Variants in ERMP1 observed in about 807,000 individuals in gnomAD.
The protein encoded by ERMP1 is Felix-ina.
ERMP1 carries 86 observed loss-of-function variants against 92.0 expected under a neutral mutation model. The ratio of observed to expected loss-of-function variants is 0.93; its 90% CI spans 0.79 to 1.12. ERMP1 has a LOEUF of 1.12. Ranked by LOEUF, ERMP1 falls within the 50% of genes most tolerant of loss-of-function variation. The pLI, the probability that ERMP1 is intolerant of heterozygous loss-of-function variation, is 0.00. For missense variants in ERMP1, 1,342 were observed against 1,116.3 expected, an observed-to-expected ratio of 1.20 and a Z score of -2.88; for synonymous variants, 530 against 412.8, an observed-to-expected ratio of 1.28 and a Z score of -3.44.
intron 5 of ERMP1, among the ~76,000 whole-genome samples, chr9:5,865,137 C>T (rs1586854061): frequency 4.0e-5 from 2 of 50,102 alleles, no homozygotes; most frequent in Middle Eastern, 8.8e-3. Flanking sequence ...GGAAAATGTT[C>T]CTTTATATAA....
Position 5,786,772 on chromosome 9 carries a change from T to A in ERMP1, c.*372A>T, listed in dbSNP as rs1827955757. On this transcript the variant is annotated 3_prime_UTR_variant, in exon 15 of 15. Transcript: ENST00000339450. ...CAACAAATGGTTTTGGGGCTTAAAT[T>A]GGAAACAACTTTTGTCTCATTAACA... is the stretch of plus-strand genomic sequence containing the variant. 1 of 168,074 alleles carries A rather than the reference T, an allele frequency of 5.9e-6. No individual in the cohort carries two copies. Among genetic ancestry groups the A allele is most frequent in the Admixed American group, 5.7e-5 (1 of 17,696 alleles). 10.4% of individuals were successfully genotyped at this position (168,074 alleles called of 1,614,324 possible). A position where few individuals can be genotyped will look rare whatever the true frequency, so the allele number is the denominator to read the frequency against.
chr9:5,818,254 C>G (rs768750257), intron 4 of ERMP1, among the ~76,000 whole-genome samples: 1 of 151,744 alleles, frequency 6.6e-6, no homozygotes, highest in Non-Finnish European at 1.5e-5. Flanking sequence ...GACTAGCTAG[C>G]AGGTTGTGAT....
At chr9:5,856,103 G>T in intron 6 of ERMP1, 1 of 371,902 alleles carries the variant, frequency 2.7e-6, no homozygotes, top group South Asian at 2.6e-5. Flanking sequence ...TGTTTCGAAT[G>T]GAATCTTCAA....
intron 2 of ERMP1, among the ~76,000 whole-genome samples, chr9:5,826,776 T>C (rs1439900612): frequency 6.6e-6 from 1 of 152,216 alleles, no homozygotes; most frequent in Non-Finnish European, 1.5e-5. Flanking sequence ...TGTGAGTTAC[T>C]TTAAAATAGA....
intron 5 of ERMP1, among the ~76,000 whole-genome samples, chr9:5,862,844 C>G (rs1830544336): frequency 6.6e-6 from 1 of 152,154 alleles, no homozygotes; most frequent in Non-Finnish European, 1.5e-5. Context: ...ATGGACTTGT[C>G]CCAGGAGCCC....
At chr9:5,837,056 T>C (rs1830103747), upstream of ERMP1, among the ~76,000 whole-genome samples, 1 of 152,240 alleles carries the variant, frequency 6.6e-6, no homozygotes, top group African/African-American at 2.4e-5. Context: ...TTTACCTTTT[T>C]TCCATGGCCT....
intron 4 of ERMP1, among the ~76,000 whole-genome samples, chr9:5,820,974 T>A (rs1369904052): frequency 6.6e-6 from 1 of 152,182 alleles, no homozygotes; most frequent in Non-Finnish European, 1.5e-5. Flanking sequence ...GTATGGAGTT[T>A]AGCCAAAATA....
chr9:5,846,371 C>G (rs1830233651), intron 6 of ERMP1, among the ~76,000 whole-genome samples: 1 of 152,112 alleles, frequency 6.6e-6, no homozygotes, highest in Non-Finnish European at 1.5e-5. Flanking sequence ...TGCTGTGTGA[C>G]CTTAAGGAAG....
At chr9:5,842,855 G>C (rs1443545074) in intron 6 of ERMP1, among the ~76,000 whole-genome samples, 1 of 152,208 alleles carries the variant, frequency 6.6e-6, no homozygotes, top group Non-Finnish European at 1.5e-5. Context: ...CAGAGATGCT[G>C]ATTCTTTAGA....
chr9:5,790,713 G>A (rs1020820061), intron 13 of ERMP1, among the ~76,000 whole-genome samples: 1 of 152,140 alleles, frequency 6.6e-6, no homozygotes, highest in African/African-American at 2.4e-5. Flanking sequence ...TCACAATGAA[G>A]ACATAAAATT....
chr9:5,805,629 T>C lies in ERMP1; in HGVS notation c.1705A>G (p.Lys569Glu). 2 of 1,598,784 alleles carry C rather than the reference T, an allele frequency of 1.3e-6. No individual in the cohort carries two copies. The highest frequency in any genetic ancestry group is 1.7e-6 in the Non-Finnish European group (2 of 1,175,328). Reference sequence around the variant, plus strand: ...ACCCTACCATGCTGCTTGAAGTCCTTATGCACACAGAGCTTTGTGAGCAAT... The same window carrying C: ...ACCCTACCATGCTGCTTGAAGTCCTCATGCACACAGAGCTTTGTGAGCAAT... Reference protein sequence around the residue: ...FPLLTKLCVHKDFKQHGAQGK... With the variant: ...FPLLTKLCVHEDFKQHGAQGK... The change falls in exon 9 of 15, where the codon AAG (lysine) becomes GAG (glutamate). Residue 569 changes from lysine to glutamate, a missense_variant. Coordinates refer to ENST00000339450, the MANE Select transcript of ERMP1 (RefSeq NM_024896.3).
At chr9:5,792,625 GGTTTAAGAA>G (rs1828246587) in intron 13 of ERMP1, among the ~76,000 whole-genome samples, 1 of 152,116 alleles carries the variant, frequency 6.6e-6, no homozygotes, top group Admixed American at 6.5e-5. Context: ...CTTATTAAAA[GGTTTAAGAA>G]GTGAAGGAGC....
intron 13 of ERMP1, among the ~76,000 whole-genome samples, chr9:5,794,734 A>G (rs1366391372): frequency 2.0e-5 from 3 of 152,210 alleles, no homozygotes; most frequent in Non-Finnish European, 4.4e-5. Context: ...TGTATCTATT[A>G]AAGAGTGAAT....
At chr9:5,829,364 A>G (rs913546465) in intron 2 of ERMP1, among the ~76,000 whole-genome samples, 13 of 152,246 alleles carry the variant, frequency 8.5e-5, no homozygotes, top group African/African-American at 3.1e-4. Flanking sequence ...TTCTAAATGA[A>G]GATATTCTAA....
At position 5,798,849 on chromosome 9, in the gene ERMP1, G is replaced by C. The variant is rs747293708; in HGVS notation, c.2227C>G (p.Leu743Val). Reference sequence around the variant, plus strand: ...GGAAGATACCAAGGAAAACCACAAAGAGGTGCATTCTCCTCACAGTGAGCT... The same window carrying C: ...GGAAGATACCAAGGAAAACCACAAACAGGTGCATTCTCCTCACAGTGAGCT... ...IRAHCEENAP[L>V]CGFPWYLPVH... The change falls in exon 12 of 15, where the codon CTT becomes GTT. Residue 743 changes from leucine to valine, a missense_variant. Physicochemically the swap from Leu to Val is conservative, Grantham distance 32. Coordinates refer to ENST00000339450, the MANE Select transcript of ERMP1 (RefSeq NM_024896.3). The C allele has an allele frequency of 5.0e-6, 8 of 1,613,772 alleles. No individual in the cohort carries two copies. In the African/African-American group the frequency reaches 5.3e-5, roughly 11 times the overall value.
At chr9:5,857,587 A>G (rs1217349756) in intron 6 of ERMP1, among the ~76,000 whole-genome samples, 2 of 152,232 alleles carry the variant, frequency 1.3e-5, no homozygotes, top group African/African-American at 2.4e-5. Context: ...ATCTATTGGT[A>G]CATCCCATTG....
rs370992190 is a variant in ERMP1, at chr9:5,798,981, C to T, written c.2095G>A (p.Glu699Lys). 1.9e-6 allele frequency: 3 copies of T among 1,613,644 alleles called. No individual in the cohort carries two copies. The African/African-American group carries it at 4.0e-5, about 22-fold the overall frequency. Residue 699 changes from glutamate (E) to lysine (K), a missense_variant, in exon 12 of 15, where the codon GAA (glutamate) becomes AAA (lysine). Coordinates refer to ENST00000339450, the MANE Select transcript of ERMP1 (RefSeq NM_024896.3). ...QHMTRTFHDL[E>K]GNAVKRDSGI... Reference sequence around the variant, plus strand: ...GAGTCCCGTTTAACTGCATTTCCTTCCAAGTCATGGAATGTTCTAGTCATA... The same window carrying T: ...GAGTCCCGTTTAACTGCATTTCCTTTCAAGTCATGGAATGTTCTAGTCATA...
At chr9:5,795,315 T>C (rs1362453983) in intron 13 of ERMP1, among the ~76,000 whole-genome samples, 1 of 152,110 alleles carries the variant, frequency 6.6e-6, no homozygotes, top group Non-Finnish European at 1.5e-5. Flanking sequence ...AACCAGAAGC[T>C]TGCCTAGATC....
In ERMP1 at chr9:5,847,046, A is replaced by G. The variant is rs1278778744; in HGVS notation, n.3199+12422T>C. Among the ~76,000 whole-genome samples, 5 of 152,200 alleles carry G rather than the reference A, an allele frequency of 3.3e-5. No homozygotes were observed. In the East Asian group the frequency reaches 9.6e-4, roughly 29 times the overall value. On this transcript the variant is annotated intron_variant and non_coding_transcript_variant, in intron 6 of 6. Transcript: ENST00000690753. The stretch of plus-strand genomic sequence containing the variant: ...CTGCATCCTCTCAGCACCAATGCTC[A>G]GCAGCCCATAGGCAGCCCTCAGCTA...
Sources: gnomAD v4.1 joint callset for allele counts (sites outside exome capture counted in the v4.1 genomes callset) on GRCh38, gnomAD v4.1.1 for gene constraint, MANE v1.5 for transcripts, NCBI Gene and HGNC (gene_info 2026-07-23, HGNC 2026-07-21) for gene names.